Variants in RIPOR2 observed in about 807,000 individuals in gnomAD.
RIPOR2 encodes RHO family interacting cell polarization regulator 2.
Under a neutral mutation model 114.5 loss-of-function variants are expected in RIPOR2, and 39 were observed. The ratio of observed to expected loss-of-function variants is 0.34; its 90% CI spans 0.26 to 0.44. The LOEUF (loss-of-function observed/expected upper bound fraction) is 0.44, where lower values mean the gene tolerates loss of function less well. Among genes scored for constraint, RIPOR2 ranks in the 20% least tolerant of loss-of-function variants. The pLI, the probability that RIPOR2 is intolerant of heterozygous loss-of-function variation, is 1.00. For missense variants in RIPOR2, 1,007 were observed against 1,255.1 expected (o/e 0.80, Z 2.99); for synonymous variants, 445 against 484.4 (o/e 0.92, Z 1.07).
intron 1 of RIPOR2, chr6:24,876,815 C>T (rs1030641927): frequency 2.1e-5 from 5 of 239,040 alleles, no homozygotes; most frequent in Non-Finnish European, 6.8e-6. Context: ...TAAGGACTTA[C>T]CACAACAGAC....
rs2113902096 is a variant in RIPOR2, at chr6:24,875,955, G to A, written c.62-138C>T. On this transcript the variant is annotated intron_variant, in intron 1 of 21. Coordinates refer to ENST00000643898, the MANE Select transcript of RIPOR2 (RefSeq NM_001286445.3). The stretch of plus-strand genomic sequence containing the variant: ...CTTGTGAGGTTCTTTATTATGGAGT[G>A]TCCTGAAGACGAAGGGTTCAACTCT... 5.2e-6 allele frequency: 4 copies of A among 774,044 alleles called. No individual in the cohort carries two copies. The South Asian group carries it at 7.4e-5, about 14-fold the overall frequency. 47.9% of individuals were successfully genotyped at this position (774,044 alleles called of 1,614,324 possible).
intron 1 of RIPOR2, among the ~76,000 whole-genome samples, chr6:24,941,247 C>T (rs1018599879): frequency 4.6e-5 from 7 of 151,812 alleles, no homozygotes; most frequent in East Asian, 1.9e-4. Context: ...CTTCCACTTA[C>T]GAAAGAAGGA....
At chr6:25,005,738 T>TATATATACACACAC (rs34572978) in intron 1 of RIPOR2, among the ~76,000 whole-genome samples, 1 of 70,700 alleles carries the variant, frequency 1.4e-5, no homozygotes, top group Non-Finnish European at 3.3e-5. Context: ...TATATATATA[T>TATATATACACACAC]ATACATTTAC....
At chr6:24,925,844 G>A (rs1770826160) in intron 1 of RIPOR2, among the ~76,000 whole-genome samples, 1 of 152,140 alleles carries the variant, frequency 6.6e-6, no homozygotes, top group Non-Finnish European at 1.5e-5. Flanking sequence ...AGCTCACAGA[G>A]GATTGATTCT....
upstream of RIPOR2, chr6:24,935,976 T>C (rs1351000820): frequency 1.8e-6 from 2 of 1,126,142 alleles, no homozygotes; most frequent in Non-Finnish European, 2.6e-6. Flanking sequence ...CCGAGGTGAT[T>C]TCCTTTCCTT....
chr6:24,842,771 T>G, intron 13 of RIPOR2, 91 bp downstream of exon 13: 1 of 669,642 alleles, frequency 1.5e-6, no homozygotes, highest in Non-Finnish European at 2.2e-6. Context: ...GGACAGGATT[T>G]TTTTTTTAAA....
chr6:24,845,625 T>C (rs191223662), intron 12 of RIPOR2, among the ~76,000 whole-genome samples: 92 of 152,262 alleles, frequency 6.0e-4, no homozygotes, highest in Admixed American at 2.9e-3. Context: ...TGGCAAATAT[T>C]GAGTGAGAAT....
intron 1 of RIPOR2, chr6:24,876,893 C>T: frequency 1.2e-6 from 1 of 846,880 alleles, no homozygotes; most frequent in Non-Finnish European, 1.4e-6. Context: ...CAAAGGATGA[C>T]CCTGCAACTG....
intron 1 of RIPOR2, among the ~76,000 whole-genome samples, chr6:24,896,241 G>A (rs1230642801): frequency 6.6e-6 from 1 of 152,160 alleles, no homozygotes. Context: ...GGTTGCTTAA[G>A]TTTTCCAGAA....
chr6:24,915,996 C>T (rs1419290800), intron 1 of RIPOR2, among the ~76,000 whole-genome samples: 2 of 152,176 alleles, frequency 1.3e-5, no homozygotes, highest in East Asian at 1.9e-4. Context: ...GACTCAGAGT[C>T]GATGCCTGGG....
chr6:25,011,162 G>A (rs904938549), intron 1 of RIPOR2, among the ~76,000 whole-genome samples: 1 of 152,108 alleles, frequency 6.6e-6, no homozygotes, highest in Non-Finnish European at 1.5e-5. Flanking sequence ...AGTGGAGGGA[G>A]GCTAGGAATG....
chr6:25,041,928 G>T (rs772580001), exon 1 of RIPOR2: 6 of 702,630 alleles, frequency 8.5e-6, no homozygotes, highest in African/African-American at 1.7e-5. Flanking sequence ...TAACACCATG[G>T]TCCCAACAGA....
intron 1 of RIPOR2, among the ~76,000 whole-genome samples, chr6:24,917,968 T>C (rs958867858): frequency 2.0e-5 from 3 of 152,252 alleles, no homozygotes; most frequent in Non-Finnish European, 4.4e-5. Context: ...TCTGTGTCCC[T>C]GGGTCTGATG....
At chr6:24,876,241 G>C (rs1441832794) in intron 1 of RIPOR2, among the ~76,000 whole-genome samples, 2 of 151,846 alleles carry the variant, frequency 1.3e-5, no homozygotes. Flanking sequence ...AGTGAGCCGA[G>C]ATCGCCCCAC....
At chr6:24,966,276 A>G (rs1360661537) in intron 1 of RIPOR2, among the ~76,000 whole-genome samples, 1 of 152,216 alleles carries the variant, frequency 6.6e-6, no homozygotes, top group Non-Finnish European at 1.5e-5. Flanking sequence ...AGCTCTCTGC[A>G]GAAGCACAGA....
chr6:24,909,723 G>C (rs1407432343), intron 1 of RIPOR2, among the ~76,000 whole-genome samples: 1 of 152,068 alleles, frequency 6.6e-6, no homozygotes, highest in Non-Finnish European at 1.5e-5. Flanking sequence ...GTAGGAAGTG[G>C]GGAGCAGGGA....
chr6:24,904,327 G>A (rs948518518), intron 1 of RIPOR2, among the ~76,000 whole-genome samples: 1 of 152,200 alleles, frequency 6.6e-6, no homozygotes, highest in East Asian at 1.9e-4. Context: ...GAGGTCACCT[G>A]CATTCCTTCC....
chr6:24,810,267 T>C (rs1781058088), intron 20 of RIPOR2, among the ~76,000 whole-genome samples: 1 of 152,180 alleles, frequency 6.6e-6, no homozygotes, highest in African/African-American at 2.4e-5. Flanking sequence ...GTTCTTACTT[T>C]CAGGAATTCT....
intron 1 of RIPOR2, among the ~76,000 whole-genome samples, chr6:24,921,705 C>T (rs1379671301): frequency 6.7e-6 from 1 of 148,766 alleles, no homozygotes; most frequent in Non-Finnish European, 1.5e-5. Flanking sequence ...TTGTCTGCCT[C>T]GCTTCTCTGC....
Sources: gnomAD v4.1 joint callset for allele counts (sites outside exome capture counted in the v4.1 genomes callset) on GRCh38, gnomAD v4.1.1 for gene constraint, MANE v1.5 for transcripts, NCBI Gene and HGNC (gene_info 2026-07-23, HGNC 2026-07-21) for gene names.